The following CSNK1G3 variants were observed in gnomAD, a reference collection of about 807,000 sequenced individuals.
CSNK1G3 encodes the protein casein kinase I isoform gamma-3.
A neutral mutation model predicts 64.3 loss-of-function variants in CSNK1G3; 23 were observed. The observed-to-expected ratio is 0.36, with a 90% CI of 0.26 to 0.51. The LOEUF is 0.51. Ranked by LOEUF, CSNK1G3 falls within the 20% of genes least tolerant of loss-of-function variation. CSNK1G3 has a pLI of 0.96. For synonymous variants in CSNK1G3, 158 were observed against 162.2 expected, an observed-to-expected ratio of 0.97 and a Z score of 0.20; for missense variants, 357 against 510.5, an observed-to-expected ratio of 0.70 and a Z score of 2.90.
intron 3 of CSNK1G3, among the ~76,000 whole-genome samples, 168 bp from the exon 4 acceptor site, chr5:123,557,327 T>A (rs751435897): frequency 6.6e-6 from 1 of 152,180 alleles, no homozygotes; most frequent in Admixed American, 6.5e-5. Context: ...ATCATTTTAT[T>A]TTACATTGAA....
Position 123,607,961 on chromosome 5 carries a change from A to AT in CSNK1G3, c.1217+2607dup, listed in dbSNP as rs547615568. On this transcript the variant is annotated intron_variant, in intron 12 of 12. Coordinates refer to ENST00000345990, the Ensembl canonical transcript of CSNK1G3. ...TCTGTGACTAAGAAATTTGAGCATG[A>AT]TTTTTTTTCTTTTTTAAGAGATGGA... Among the ~76,000 whole-genome samples, 229 of 151,826 alleles carry AT rather than the reference A, an allele frequency of 1.5e-3. 1 individual carries two copies. Among genetic ancestry groups the AT allele is most frequent in the South Asian group, 3.3e-3 (16 of 4,802 alleles).
intron 7 of CSNK1G3, 131 bp from the exon 8 acceptor site, chr5:123,588,296 C>G (rs1487895512): frequency 9.7e-7 from 1 of 1,035,718 alleles, no homozygotes; most frequent in East Asian, 2.5e-5. Flanking sequence ...AGGCTGGTCT[C>G]AAACTCCTGG....
chr5:123,545,887 A>G lies in CSNK1G3; in HGVS notation c.178+46A>G, dbSNP rs775893997. Reference sequence around the variant, plus strand: ...CCATTATGTTAGAAACATTTTAAAAATTGGAAGATACTTTTTAATGAAAAT... The same window carrying G: ...CCATTATGTTAGAAACATTTTAAAAGTTGGAAGATACTTTTTAATGAAAAT... On this transcript the variant is annotated intron_variant, in intron 2 of 12. Coordinates refer to ENST00000345990, the Ensembl canonical transcript of CSNK1G3. 2.5e-5 allele frequency: 36 copies of G among 1,412,862 alleles called. No homozygotes were observed. The South Asian group carries it at 4.0e-4, about 16-fold the overall frequency. 87.5% of individuals were successfully genotyped at this position (1,412,862 alleles called of 1,614,324 possible).
chr5:123,524,147 T>C (rs566562878), intron 1 of CSNK1G3, among the ~76,000 whole-genome samples: 7 of 152,376 alleles, frequency 4.6e-5, no homozygotes, highest in Admixed American at 1.3e-4. Context: ...CTTGTAAATA[T>C]ATAAATGCAA....
At chr5:123,575,047 A>G (rs917662482) in intron 5 of CSNK1G3, among the ~76,000 whole-genome samples, 1 of 152,094 alleles carries the variant, frequency 6.6e-6, no homozygotes, top group African/African-American at 2.4e-5. Context: ...AAGCAGTTTT[A>G]TTTTCTTATT....
chr5:123,612,956 G>A (rs542401778), intron 12 of CSNK1G3, among the ~76,000 whole-genome samples: 55 of 152,282 alleles, frequency 3.6e-4, no homozygotes, highest in Non-Finnish European at 7.4e-4. Flanking sequence ...GAGGACTTCA[G>A]TGGAAACCAG....
At chr5:123,612,383 G>T (rs1271808255) in intron 12 of CSNK1G3, among the ~76,000 whole-genome samples, 1 of 152,034 alleles carries the variant, frequency 6.6e-6, no homozygotes, top group Non-Finnish European at 1.5e-5. Context: ...GGACAGTGTA[G>T]ATTTCTGTTT....
chr5:123,540,751 G>T (rs1414501253), intron 1 of CSNK1G3, among the ~76,000 whole-genome samples: 1 of 152,080 alleles, frequency 6.6e-6, no homozygotes, highest in Non-Finnish European at 1.5e-5. Context: ...TGCTGCCTCA[G>T]CCTCCCGAGC....
chr5:123,573,591 G>A (rs1788536116), intron 5 of CSNK1G3, 50 bp downstream of exon 5: 2 of 1,480,974 alleles, frequency 1.4e-6, no homozygotes. Flanking sequence ...CATGGTTGTT[G>A]GTCACAAATT....
At chr5:123,548,911 G>A (rs1783107359) in intron 2 of CSNK1G3, among the ~76,000 whole-genome samples, 1 of 152,154 alleles carries the variant, frequency 6.6e-6, no homozygotes, top group Admixed American at 6.6e-5. Flanking sequence ...GAAAATGCTG[G>A]CAACACAGTA....
At chr5:123,543,916 T>C (rs1489156046) in intron 1 of CSNK1G3, among the ~76,000 whole-genome samples, 1 of 152,136 alleles carries the variant, frequency 6.6e-6, no homozygotes, top group East Asian at 1.9e-4. Flanking sequence ...GTGTTAGGAC[T>C]AATGGTGGAA....
intron 1 of CSNK1G3, among the ~76,000 whole-genome samples, chr5:123,524,434 A>G (rs1277117258): frequency 6.6e-6 from 1 of 152,206 alleles, no homozygotes; most frequent in Non-Finnish European, 1.5e-5. Flanking sequence ...TCTCTTTTAC[A>G]TATCTTGGCT....
chr5:123,559,282 A>G (rs1008889985), intron 4 of CSNK1G3, among the ~76,000 whole-genome samples: 1 of 152,124 alleles, frequency 6.6e-6, no homozygotes, highest in Non-Finnish European at 1.5e-5. Flanking sequence ...TATCTAGTAC[A>G]GTAATAAAAC....
At chr5:123,521,006 AT>A (rs950495581) in intron 1 of CSNK1G3, among the ~76,000 whole-genome samples, 1 of 152,114 alleles carries the variant, frequency 6.6e-6, no homozygotes, top group African/African-American at 2.4e-5. Context: ...AAGAGAGAAA[AT>A]TTATGGTATT....
intron 8 of CSNK1G3, 95 bp downstream of exon 8, chr5:123,588,606 A>G: frequency 1.3e-6 from 1 of 791,342 alleles, no homozygotes; most frequent in Non-Finnish European, 2.1e-6. Flanking sequence ...TCTATGCTTA[A>G]AAAAAAAAGA....
intron 10 of CSNK1G3, chr5:123,595,122 T>C: frequency 6.2e-7 from 1 of 1,613,508 alleles, no homozygotes. Context: ...ACAGACATGG[T>C]GGCTCGGTAC....
rs565938781 is a variant in CSNK1G3, at chr5:123,600,008, T to C, written c.1087-4716T>C. On this transcript the variant is annotated intron_variant, in intron 10 of 12. Coordinates refer to ENST00000345990, the Ensembl canonical transcript of CSNK1G3. ...GCATGTCACTATCTGTGCTTTAGGG[T>C]CATCTTTTGGAATACCAAGAGTATC... 4.6e-5 allele frequency among the ~76,000 whole-genome samples: 7 copies of C among 152,236 alleles called. No homozygotes were observed. In the East Asian group the frequency reaches 1.2e-3, roughly 25 times the overall value.
intron 12 of CSNK1G3, among the ~76,000 whole-genome samples, chr5:123,608,845 G>C (rs553872863): frequency 6.6e-6 from 1 of 152,150 alleles, no homozygotes; most frequent in African/African-American, 2.4e-5. Context: ...AGCAGCCAGG[G>C]TTAAGGATCA....
chr5:123,605,304 T>A (rs761255739), intron 11 of CSNK1G3, 35 bp from the exon 13 acceptor site: 1 of 1,576,306 alleles, frequency 6.3e-7, no homozygotes, highest in African/African-American at 1.4e-5. Context: ...CTCTCTTTTT[T>A]TTCCTTGTAT....
Sources: gnomAD v4.1 joint callset for allele counts (sites outside exome capture counted in the v4.1 genomes callset) on GRCh38, gnomAD v4.1.1 for gene constraint, MANE v1.5 for transcripts, NCBI Gene and HGNC (gene_info 2026-07-23, HGNC 2026-07-21) for gene names.